The following ESRRG variants were observed in gnomAD, a reference collection of about 807,000 sequenced individuals.
The protein encoded by ESRRG is estrogen-related receptor gamma.
Under a neutral mutation model 44.0 loss-of-function variants are expected in ESRRG, and 13 were observed. That is an observed-to-expected ratio of 0.30 (90% confidence interval 0.19 to 0.47). ESRRG has a LOEUF of 0.47. Among genes scored for constraint, ESRRG ranks in the 20% least tolerant of loss-of-function variants. ESRRG has a pLI of 1.00. For missense variants in ESRRG, 395 were observed against 580.6 expected, an observed-to-expected ratio of 0.68 and a Z score of 3.29; for synonymous variants, 215 against 214.6, an observed-to-expected ratio of 1.00 and a Z score of -0.02.
intron 3 of ESRRG, among the ~76,000 whole-genome samples, chr1:216,569,955 G>A (rs563995775): frequency 2.6e-5 from 4 of 152,146 alleles, no homozygotes; most frequent in Non-Finnish European, 5.9e-5. Context: ...TTAATGTCAC[G>A]CAGAATATGT....
rs561142654 is a variant in ESRRG at position 216,914,310 on chromosome 1, T to A, written c.-14+25272A>T. Among the ~76,000 whole-genome samples the A allele has an allele frequency of 4.4e-4, 67 of 152,342 alleles. 1 individual carries two copies. The highest frequency in any genetic ancestry group is 1.5e-3 in the African/African-American group (62 of 41,574). On this transcript the variant is annotated intron_variant, in intron 2 of 7. Coordinates refer to the ESRRG transcript ENST00000359162. The stretch of plus-strand genomic sequence containing the variant: ...TATTAGTATTAGCAGCATATTCATA[T>A]GTGTACTTGACTCTAGTGTAGTATC...
intron 6 of ESRRG, among the ~76,000 whole-genome samples, chr1:216,509,375 T>C (rs2042084063): frequency 6.6e-6 from 1 of 152,228 alleles, no homozygotes; most frequent in Non-Finnish European, 1.5e-5. Flanking sequence ...ATTATGAATT[T>C]CCTCTTTAAA....
At chr1:217,100,272 G>C (rs1404256106) in intron 1 of ESRRG, among the ~76,000 whole-genome samples, 5 of 152,132 alleles carry the variant, frequency 3.3e-5, no homozygotes, top group African/African-American at 4.8e-5. Flanking sequence ...AGCCAACTTG[G>C]GTGGTCAATA....
chr1:217,120,564 C>T (rs754865549), intron 1 of ESRRG, among the ~76,000 whole-genome samples: 15 of 152,048 alleles, frequency 9.9e-5, no homozygotes, highest in Non-Finnish European at 2.2e-4. Context: ...TGACTTATGA[C>T]GTTCTTCAGC....
intron 2 of ESRRG, among the ~76,000 whole-genome samples, chr1:216,839,679 G>C (rs1314132084): frequency 6.6e-6 from 1 of 152,084 alleles, no homozygotes; most frequent in African/African-American, 2.4e-5. Context: ...ATCTCCATCA[G>C]AGCTCTTGGG....
intron 5 of ESRRG, among the ~76,000 whole-genome samples, chr1:216,530,240 C>T (rs1572381322): frequency 6.6e-6 from 1 of 151,002 alleles, no homozygotes; most frequent in East Asian, 1.9e-4. Flanking sequence ...GCACATTCCA[C>T]ACACTGAATA....
At chr1:216,954,359 A>G (rs1485821429) in intron 1 of ESRRG, among the ~76,000 whole-genome samples, 1 of 152,162 alleles carries the variant, frequency 6.6e-6, no homozygotes, top group Non-Finnish European at 1.5e-5. Context: ...AAGATACTCA[A>G]GAACTCCCTG....
chr1:216,707,567 T>G, intron 1 of ESRRG: 1 of 1,378,868 alleles, frequency 7.3e-7, no homozygotes, highest in Non-Finnish European at 9.6e-7. Context: ...ACTTAAGTCC[T>G]GAATTTATTT....
intron 2 of ESRRG, among the ~76,000 whole-genome samples, chr1:216,928,214 C>T (rs953690170): frequency 4.6e-5 from 7 of 152,130 alleles, no homozygotes; most frequent in Non-Finnish European, 8.8e-5. Context: ...AATTGATTGA[C>T]TCTTCCTTCA....
At chr1:217,081,239 T>TTTTTTTTTTTTTTTTTC (rs1558229679) in intron 1 of ESRRG, among the ~76,000 whole-genome samples, 1 of 139,260 alleles carries the variant, frequency 7.2e-6, no homozygotes, top group Non-Finnish European at 1.5e-5. Context: ...TTTTTTTTTT[T>TTTTTTTTTTTTTTTTTC]TTTTTGAGAC....
chr1:216,983,690 GT>G, intron 1 of ESRRG, among the ~76,000 whole-genome samples: 2 of 19,556 alleles, frequency 1.0e-4, no homozygotes, highest in African/African-American at 2.2e-3. Context: ...ATGTGCATGT[GT>G]GTGTGTGTGT....
chr1:216,835,621 T>G (rs544943298), intron 2 of ESRRG, among the ~76,000 whole-genome samples: 28 of 152,300 alleles, frequency 1.8e-4, no homozygotes, highest in Admixed American at 1.1e-3. Context: ...AAGGTTGGCA[T>G]CAGTTTTGGA....
chr1:217,047,419 C>T (rs919621741), intron 1 of ESRRG, among the ~76,000 whole-genome samples: 3 of 152,088 alleles, frequency 2.0e-5, no homozygotes, highest in Admixed American at 6.6e-5. Flanking sequence ...CTCGGACTCT[C>T]ACATTCAGTC....
intron 3 of ESRRG, among the ~76,000 whole-genome samples, chr1:216,628,864 T>G (rs1353494837): frequency 6.6e-6 from 1 of 152,244 alleles, no homozygotes; most frequent in East Asian, 1.9e-4. Context: ...ACTAGTAACC[T>G]GCTTCTTCAC....
intron 4 of ESRRG, among the ~76,000 whole-genome samples, chr1:216,564,752 G>C (rs940049490): frequency 6.6e-6 from 1 of 152,006 alleles, no homozygotes; most frequent in Admixed American, 6.6e-5. Flanking sequence ...GTATAAAATA[G>C]CTTAAAATAA....
chr1:216,654,127 C>T (rs2069770586), intron 2 of ESRRG, among the ~76,000 whole-genome samples: 2 of 132,954 alleles, frequency 1.5e-5, no homozygotes, highest in African/African-American at 2.8e-5. Flanking sequence ...CATCCCCACC[C>T]TCCAAAAAAA....
At chr1:217,009,696 C>G (rs887304838) in intron 1 of ESRRG, among the ~76,000 whole-genome samples, 1 of 136,810 alleles carries the variant, frequency 7.3e-6, no homozygotes, top group East Asian at 2.1e-4. Context: ...TTTCCTTTTT[C>G]TTTTTCTTTT....
At chr1:216,775,740 T>C (rs2093589152) in intron 2 of ESRRG, among the ~76,000 whole-genome samples, 2 of 151,584 alleles carry the variant, frequency 1.3e-5, no homozygotes, top group Admixed American at 1.3e-4. Flanking sequence ...ATTTTTGTAT[T>C]TTTTTGTAGA....
At chr1:216,789,968 C>A (rs2094262506) in intron 2 of ESRRG, among the ~76,000 whole-genome samples, 1 of 152,118 alleles carries the variant, frequency 6.6e-6, no homozygotes, top group South Asian at 2.1e-4. Context: ...AAGCTCCTAC[C>A]AATGAATTAT....
Sources: gnomAD v4.1 joint callset for allele counts (sites outside exome capture counted in the v4.1 genomes callset) on GRCh38, gnomAD v4.1.1 for gene constraint, MANE v1.5 for transcripts, NCBI Gene and HGNC (gene_info 2026-07-23, HGNC 2026-07-21) for gene names.